Variants in STK35 observed in about 807,000 individuals in gnomAD.
The protein encoded by STK35 is serine/threonine-protein kinase 35.
Under a neutral mutation model 37.3 loss-of-function variants are expected in STK35, and 17 were observed. The observed-to-expected ratio is 0.46, with a 90% confidence interval of 0.31 to 0.68. The LOEUF is 0.68. Ranked by LOEUF, STK35 falls within the 30% of genes least tolerant of loss-of-function variation. STK35 has a pLI of 0.05. For missense variants in STK35, 595 were observed against 746.7 expected, an observed-to-expected ratio of 0.80 and a Z score of 2.37; for synonymous variants, 385 against 319.1, an observed-to-expected ratio of 1.21 and a Z score of -2.20.
At chr20:2,105,250 C>T (rs1365191526) in intron 2 of STK35, among the ~76,000 whole-genome samples, 1 of 152,004 alleles carries the variant, frequency 6.6e-6, no homozygotes, top group Non-Finnish European at 1.5e-5. Context: ...TATTCTCAGA[C>T]TTCTCTTAGT....
intron 2 of STK35, among the ~76,000 whole-genome samples, chr20:2,110,328 TC>T (rs1052193129): frequency 2.0e-5 from 3 of 152,224 alleles, no homozygotes; most frequent in Non-Finnish European, 4.4e-5. Flanking sequence ...TCTGCCCTTT[TC>T]CCCCCTTCAC....
chr20:2,112,851 A>T (rs1045415668), intron 2 of STK35, among the ~76,000 whole-genome samples: 3 of 152,248 alleles, frequency 2.0e-5, no homozygotes, highest in Admixed American at 6.5e-5. Flanking sequence ...ATTATACCAG[A>T]CAAGGGAATT....
chr20:2,107,112 A>G (rs143701796), intron 2 of STK35, among the ~76,000 whole-genome samples: 122 of 152,356 alleles, frequency 8.0e-4, no homozygotes, highest in African/African-American at 2.6e-3. Flanking sequence ...CTTGTTTTCC[A>G]TTGCGAGAAT....
rs776184131 is a variant in STK35, at chr20:2,104,848, GT to G, written c.892+1488del. 8.9e-4 allele frequency among the ~76,000 whole-genome samples: 136 copies of G among 152,178 alleles called. 1 individual carries two copies. The Middle Eastern group carries it at 0.017, about 19-fold the overall frequency. ...AGCCTACCCTCTCCCCAGGGTGAGT[GT>G]TTTTGTTTTGAAAAGACTTCCAGCA... On this transcript the variant is annotated intron_variant, in intron 2 of 3. Coordinates refer to ENST00000381482, the MANE Select transcript of STK35 (RefSeq NM_080836.4).
In STK35 at chr20:2,130,985, T is replaced by C. The variant is rs554127078; in HGVS notation, c.*38-12799T>C. Among the ~76,000 whole-genome samples the C allele has an allele frequency of 6.6e-5, 10 of 152,272 alleles. No homozygotes were observed. The South Asian group carries it at 2.1e-3, about 32-fold the overall frequency. On this transcript the variant is annotated intron_variant, in intron 3 of 3. Coordinates refer to ENST00000381482, the MANE Select transcript of STK35 (RefSeq NM_080836.4). ...TGGGGACCTAGGTCTTTATACAAAT[T>C]CAGCAAGTGGTTACTGAGAATTAGC...
At chr20:2,127,862 T>C (rs550216527) in intron 3 of STK35, among the ~76,000 whole-genome samples, 1 of 152,316 alleles carries the variant, frequency 6.6e-6, no homozygotes. Context: ...AGCCTAATTA[T>C]ATGAACCTGG....
At position 2,103,081 on chromosome 20, in the gene STK35, G is replaced by A. The variant is rs374194227; in HGVS notation, c.608G>A (p.Ser203Asn). ...GGCGGGTCCGCGCGGCCGCGTTACA[G>A]CCTGTTGGCGGAGATCGGGCGCGGC... ...GGGGSARPRY[S>N]LLAEIGRGSY... The change falls in exon 2 of 4, where the codon AGC becomes AAC. Residue 203 changes from serine (S) to asparagine (N), a missense_variant. By Grantham distance (46) the Ser-to-Asn change is conservative. This residue lies in a region of STK35 where 389 missense variants were observed against 320.0 expected (regional missense o/e 1.22). Coordinates refer to ENST00000381482, the MANE Select transcript of STK35 (RefSeq NM_080836.4). 1.1e-5 allele frequency: 18 copies of A among 1,595,540 alleles called. No homozygotes were observed. The highest frequency in any genetic ancestry group is 1.4e-5 in the Non-Finnish European group (16 of 1,177,506).
At chr20:2,134,052 G>A (rs1986043021) in intron 3 of STK35, among the ~76,000 whole-genome samples, 1 of 152,048 alleles carries the variant, frequency 6.6e-6, no homozygotes. Flanking sequence ...TGAGCTTCAG[G>A]GACGCAGCAT....
At chr20:2,119,056 A>G (rs144265335) in intron 3 of STK35, among the ~76,000 whole-genome samples, 2 of 152,370 alleles carry the variant, frequency 1.3e-5, no homozygotes, top group East Asian at 3.9e-4. Flanking sequence ...AAGCCAAATC[A>G]GAGACTTTCT....
At chr20:2,125,600 C>T (rs1359418664) in intron 3 of STK35, among the ~76,000 whole-genome samples, 3 of 152,254 alleles carry the variant, frequency 2.0e-5, no homozygotes, top group Non-Finnish European at 4.4e-5. Context: ...GCAGCCAGGG[C>T]TGCCATGGGT....
At chr20:2,135,905 G>A (rs1986078859) in intron 3 of STK35, among the ~76,000 whole-genome samples, 1 of 152,178 alleles carries the variant, frequency 6.6e-6, no homozygotes, top group Non-Finnish European at 1.5e-5. Context: ...AACTGAGGCG[G>A]AAGGATCACT....
chr20:2,140,956 A>G (rs766222928), intron 3 of STK35, among the ~76,000 whole-genome samples: 1 of 152,182 alleles, frequency 6.6e-6, no homozygotes, highest in Non-Finnish European at 1.5e-5. Flanking sequence ...CTTCCTGCTG[A>G]TGGGCATCCT....
chr20:2,104,882 A>G (rs1189793655), intron 2 of STK35, among the ~76,000 whole-genome samples: 1 of 152,024 alleles, frequency 6.6e-6, no homozygotes, highest in Admixed American at 6.6e-5. Flanking sequence ...GCAGGGCACA[A>G]TGGCTCACGA....
At chr20:2,131,143 T>A (rs1354923123) in intron 3 of STK35, among the ~76,000 whole-genome samples, 1 of 152,246 alleles carries the variant, frequency 6.6e-6, no homozygotes, top group Non-Finnish European at 1.5e-5. Context: ...CAGTCCTGGA[T>A]GGTATAGCCT....
intron 3 of STK35, among the ~76,000 whole-genome samples, chr20:2,123,469 C>G (rs926011863): frequency 2.6e-5 from 4 of 152,124 alleles, no homozygotes; most frequent in Non-Finnish European, 4.4e-5. Context: ...CTAGTACAAC[C>G]CTAATCAAAG....
At chr20:2,138,394 G>T (rs1348499583) in intron 3 of STK35, among the ~76,000 whole-genome samples, 1 of 152,210 alleles carries the variant, frequency 6.6e-6, no homozygotes, top group Non-Finnish European at 1.5e-5. Context: ...CCTGGGTCAG[G>T]TGCCATGACA....
chr20:2,137,873 A>T (rs1986112227), intron 3 of STK35, among the ~76,000 whole-genome samples: 2 of 152,154 alleles, frequency 1.3e-5, no homozygotes, highest in African/African-American at 4.8e-5. Context: ...GTGAAGAATG[A>T]CTAACCCCAC....
chr20:2,107,239 C>G (rs1012265515), intron 2 of STK35, among the ~76,000 whole-genome samples: 1 of 152,234 alleles, frequency 6.6e-6, no homozygotes, highest in Non-Finnish European at 1.5e-5. Context: ...CACACTGATT[C>G]TTCTGACAAA....
intron 3 of STK35, among the ~76,000 whole-genome samples, chr20:2,142,943 GCTT>G (rs1387263303): frequency 1.3e-5 from 2 of 152,224 alleles, no homozygotes; most frequent in East Asian, 1.9e-4. Flanking sequence ...TGAAGGGCAG[GCTT>G]CTTGTCTTAT....
Sources: gnomAD v4.1 joint callset for allele counts (sites outside exome capture counted in the v4.1 genomes callset) on GRCh38, gnomAD v4.1.1 for gene constraint, gnomAD v4.1.1 regional missense constraint, MANE v1.5 for transcripts, NCBI Gene and HGNC (gene_info 2026-07-23, HGNC 2026-07-21) for gene names.